The following HTR1F variants were observed in gnomAD, a reference collection of about 807,000 sequenced individuals.
HTR1F encodes the protein 5-hydroxytryptamine receptor 1F, also known as 5-hydroxytryptamine (serotonin) receptor 1F, G protein-coupled.
A neutral mutation model predicts 24.0 loss-of-function variants in HTR1F; 17 were observed. The ratio of observed to expected loss-of-function variants is 0.71; its 90% CI spans 0.48 to 1.06. The LOEUF (loss-of-function observed/expected upper bound fraction) is 1.06. Among genes scored for constraint, HTR1F ranks in the 50% least tolerant of loss-of-function variants. The pLI is 0.00. For synonymous variants in HTR1F, 186 were observed against 156.8 expected (o/e 1.19, Z -1.39); for missense variants, 391 against 427.8 (o/e 0.91, Z 0.76).
intron 2 of HTR1F, among the ~76,000 whole-genome samples, chr3:87,879,495 A>G (rs550276551): frequency 3.9e-5 from 6 of 152,136 alleles, no homozygotes; most frequent in African/African-American, 1.4e-4. Flanking sequence ...TTAGCCAAGA[A>G]TCTGCCCTAG....
rs1704247442 is a variant in HTR1F, at chr3:87,816,217, C to T, written c.-159-5791C>T. On this transcript the variant is annotated intron_variant, in intron 1 of 2. Coordinates refer to ENST00000319595, the MANE Select transcript of HTR1F (RefSeq NM_001322209.2). Reference sequence around the variant, plus strand: ...TAAATCCATAAAACAATCTTCAGCCCTCATCCTGTCTTATCACTTGGCAGC... The same window carrying T: ...TAAATCCATAAAACAATCTTCAGCCTTCATCCTGTCTTATCACTTGGCAGC... Among the ~76,000 whole-genome samples the T allele has an allele frequency of 2.6e-5, 4 of 152,154 alleles. No homozygotes were observed. In the South Asian group the frequency reaches 8.3e-4, roughly 32 times the overall value.
At chr3:87,896,376 C>A (rs1469299477) in intron 2 of HTR1F, among the ~76,000 whole-genome samples, 1 of 152,150 alleles carries the variant, frequency 6.6e-6, no homozygotes, top group Non-Finnish European at 1.5e-5. Flanking sequence ...AGGCACTGTG[C>A]CTGACAGTTA....
intron 2 of HTR1F, among the ~76,000 whole-genome samples, chr3:87,892,748 C>T (rs949991656): frequency 2.0e-5 from 3 of 151,824 alleles, no homozygotes; most frequent in Admixed American, 6.6e-5. Context: ...TTATCGTGCG[C>T]CCTTTTGGGG....
At position 87,963,391 on chromosome 3, in the gene HTR1F, A is replaced by G. The variant is rs144442749; in HGVS notation, c.-42-27317A>G. 1.0e-3 allele frequency among the ~76,000 whole-genome samples: 156 copies of G among 152,256 alleles called. 1 individual carries two copies. The highest frequency in any genetic ancestry group is 2.1e-3 in the South Asian group (10 of 4,828). Reference sequence around the variant, plus strand: ...AAGCTTCTTATATTAGTCAAGAAGAAGATGCTGAGTTATCCTGATGTGCCT... The same window carrying G: ...AAGCTTCTTATATTAGTCAAGAAGAGGATGCTGAGTTATCCTGATGTGCCT... On this transcript the variant is annotated intron_variant, in intron 2 of 2. Transcript: ENST00000319595.
chr3:87,824,428 T>C (rs1330132375), intron 2 of HTR1F, among the ~76,000 whole-genome samples: 1 of 152,218 alleles, frequency 6.6e-6, no homozygotes, highest in Non-Finnish European at 1.5e-5. Context: ...GCCTTTTTAC[T>C]TATCACTCTT....
At chr3:87,979,545 T>C (rs1021149561) in intron 2 of HTR1F, among the ~76,000 whole-genome samples, 4 of 152,178 alleles carry the variant, frequency 2.6e-5, no homozygotes, top group Admixed American at 6.5e-5. Context: ...CTTCCACAGA[T>C]CCTGGATGAG....
intron 1 of HTR1F, among the ~76,000 whole-genome samples, chr3:87,797,259 G>A (rs1329462599): frequency 6.6e-6 from 1 of 152,178 alleles, no homozygotes; most frequent in African/African-American, 2.4e-5. Context: ...CATGGTTTCA[G>A]GCATTCACTG....
At chr3:87,855,090 C>T (rs1473377123) in intron 2 of HTR1F, among the ~76,000 whole-genome samples, 1 of 152,046 alleles carries the variant, frequency 6.6e-6, no homozygotes, top group Non-Finnish European at 1.5e-5. Flanking sequence ...TGGGCTTTTG[C>T]TCCACTTGCC....
intron 2 of HTR1F, among the ~76,000 whole-genome samples, chr3:87,973,188 A>G (rs1478835655): frequency 2.0e-5 from 3 of 151,942 alleles, no homozygotes. Flanking sequence ...AATAAGTAAT[A>G]ATAATCCCTA....
Position 87,991,003 on chromosome 3 carries a change from T to A in HTR1F, c.254T>A (p.Val85Glu). 1 of 1,614,168 alleles carries A rather than the reference T, an allele frequency of 6.2e-7. No homozygotes were observed. The highest frequency in any genetic ancestry group is 8.5e-7 in the Non-Finnish European group (1 of 1,180,032). ...LVMPFSIVYI[V>E]RESWIMGQVV... ...ATGCCCTTCAGCATTGTGTATATTG[T>A]GAGAGAGAGCTGGATTATGGGGCAA... is the stretch of plus-strand genomic sequence containing the variant. The change falls in exon 3 of 3, where the codon GTG becomes GAG. Residue 85 changes from valine (V) to glutamate (E), a missense_variant. By Grantham distance (121) the Val-to-Glu change is moderately radical. Coordinates refer to ENST00000319595, the MANE Select transcript of HTR1F (RefSeq NM_001322209.2).
At chr3:87,948,748 G>A (rs1449022726) in intron 2 of HTR1F, among the ~76,000 whole-genome samples, 2 of 152,006 alleles carry the variant, frequency 1.3e-5, no homozygotes, top group East Asian at 3.8e-4. Flanking sequence ...CCCAGCTTTG[G>A]GACTCCAGGC....
At chr3:87,979,363 A>G (rs1705492141) in intron 2 of HTR1F, among the ~76,000 whole-genome samples, 1 of 152,002 alleles carries the variant, frequency 6.6e-6, no homozygotes, top group South Asian at 2.1e-4. Flanking sequence ...GTGATGGGGG[A>G]TTGACAGTGT....
intron 1 of HTR1F, among the ~76,000 whole-genome samples, chr3:87,815,306 G>T (rs1415596197): frequency 6.6e-6 from 1 of 151,662 alleles, no homozygotes; most frequent in East Asian, 1.9e-4. Flanking sequence ...ATATATATAT[G>T]AACTGATACA....
intron 2 of HTR1F, among the ~76,000 whole-genome samples, chr3:87,977,895 G>A (rs1351855107): frequency 6.6e-6 from 1 of 152,126 alleles, no homozygotes; most frequent in African/African-American, 2.4e-5. Context: ...GTTTTACTCA[G>A]ACCCACTGGA....
At chr3:87,797,273 G>T (rs529603876) in intron 1 of HTR1F, among the ~76,000 whole-genome samples, 3 of 152,186 alleles carry the variant, frequency 2.0e-5, no homozygotes, top group African/African-American at 7.2e-5. Context: ...TTCACTGGGG[G>T]GTCTTGGGCC....
chr3:87,831,530 T>G (rs901062342), intron 2 of HTR1F, among the ~76,000 whole-genome samples: 11 of 151,578 alleles, frequency 7.3e-5, no homozygotes, highest in African/African-American at 2.2e-4. Context: ...GCCCGGCTAA[T>G]TTTTTGTATT....
chr3:87,918,475 C>G (rs1413747870), intron 2 of HTR1F, among the ~76,000 whole-genome samples: 1 of 152,028 alleles, frequency 6.6e-6, no homozygotes, highest in African/African-American at 2.4e-5. Flanking sequence ...CTAGAAAACC[C>G]TAAAGACTGC....
chr3:87,919,358 C>T (rs1032516639), intron 2 of HTR1F, among the ~76,000 whole-genome samples: 1 of 151,900 alleles, frequency 6.6e-6, no homozygotes, highest in African/African-American at 2.4e-5. Flanking sequence ...GCAATAACAA[C>T]AAAGATAAAA....
intron 2 of HTR1F, among the ~76,000 whole-genome samples, chr3:87,924,626 A>G (rs960887838): frequency 1.3e-5 from 2 of 152,156 alleles, no homozygotes; most frequent in African/African-American, 4.8e-5. Flanking sequence ...TTTCTGAAGG[A>G]TAGCATTGCT....
Sources: allele counts gnomAD v4.1 joint callset (sites outside exome capture counted in the v4.1 genomes callset), GRCh38; gene constraint gnomAD v4.1.1; transcripts MANE v1.5; gene names NCBI Gene and HGNC (gene_info 2026-07-23, HGNC 2026-07-21).